OR9Q1: variants seen among roughly 807,000 people sequenced by gnomAD.
OR9Q1 encodes the protein olfactory receptor family 9 subfamily Q member 1.
For missense variants in OR9Q1, 374 were observed against 378.8 expected, an observed-to-expected ratio of 0.99 and a Z score of 0.11; for synonymous variants, 153 against 148.6, an observed-to-expected ratio of 1.03 and a Z score of -0.22.
intron 1 of OR9Q1, among the ~76,000 whole-genome samples, chr11:58,027,192 A>G (rs1463149200): frequency 1.3e-5 from 2 of 152,218 alleles, no homozygotes; most frequent in Non-Finnish European, 2.9e-5. Context: ...AACCCTGGGT[A>G]TCAGTTGTCC....
At position 58,081,813 on chromosome 11, in the gene OR9Q1, CT is replaced by C. The variant is rs1465076892; in HGVS notation, c.-15+25870del. On this transcript the variant is annotated intron_variant, in intron 2 of 2. Coordinates refer to ENST00000335397, the MANE Select transcript of OR9Q1 (RefSeq NM_001005212.4). ...AGTTTCTTTTTTTTTTTTTTTTTTA[CT>C]TTTGTTGACTTTATTGATCTAAATA... Among the ~76,000 whole-genome samples the C allele has an allele frequency of 6.9e-3, 587 of 85,154 alleles. 4 individuals are homozygous for C. Among genetic ancestry groups the C allele is most frequent in the African/African-American group, 0.023 (573 of 24,772 alleles). The allele number at this position is 85,154 out of a possible 152,430, so 55.9% of individuals were successfully genotyped here. A position where few individuals can be genotyped will look rare whatever the true frequency, so the allele number is the denominator to read the frequency against.
At chr11:58,033,840 A>G (rs531996320) in intron 1 of OR9Q1, among the ~76,000 whole-genome samples, 3 of 152,308 alleles carry the variant, frequency 2.0e-5, no homozygotes, top group Admixed American at 6.5e-5. Context: ...GTTATGGACT[A>G]TATATTAGAT....
chr11:58,058,709 T>C (rs1460952711), intron 2 of OR9Q1, among the ~76,000 whole-genome samples: 1 of 152,180 alleles, frequency 6.6e-6, no homozygotes, highest in African/African-American at 2.4e-5. Context: ...GATGCTGTCA[T>C]CTACACTGCT....
intron 2 of OR9Q1, among the ~76,000 whole-genome samples, chr11:58,148,208 T>G (rs1447181): frequency 0.75 from 113,487 of 152,044 alleles, 42,751 homozygotes; most frequent in East Asian, 0.9. Flanking sequence ...TAGGTGTAAA[T>G]CTAAATTAAC....
At chr11:58,178,206 T>C (rs934313040) in intron 2 of OR9Q1, among the ~76,000 whole-genome samples, 2 of 152,194 alleles carry the variant, frequency 1.3e-5, no homozygotes, top group Non-Finnish European at 2.9e-5. Flanking sequence ...CCATCCCAGA[T>C]TACAGTAATC....
rs1008391574 is a variant in OR9Q1 at position 58,053,629 on chromosome 11, A to T, written c.-92-2241A>T. Among the ~76,000 whole-genome samples, 21 of 98,930 alleles carry T rather than the reference A, an allele frequency of 2.1e-4. No individual in the cohort carries two copies. In the South Asian group the frequency reaches 3.7e-3, roughly 18 times the overall value. The allele number at this position is 98,930 out of a possible 152,430, so 64.9% of individuals were successfully genotyped here. A position where few individuals can be genotyped will look rare whatever the true frequency, so the allele number is the denominator to read the frequency against. ...AATTAAAAAATATATATATATATAA[A>T]ATATATATATATATAAATTATATAT... On this transcript the variant is annotated intron_variant, in intron 1 of 2. Coordinates refer to ENST00000335397, the MANE Select transcript of OR9Q1 (RefSeq NM_001005212.4).
intron 2 of OR9Q1, among the ~76,000 whole-genome samples, chr11:58,090,648 T>C (rs1420504839): frequency 6.6e-6 from 1 of 152,210 alleles, no homozygotes; most frequent in Non-Finnish European, 1.5e-5. Context: ...AGGATGATGT[T>C]GGCCTCATAA....
At chr11:58,079,345 A>G (rs1853567956) in intron 2 of OR9Q1, among the ~76,000 whole-genome samples, 2 of 152,042 alleles carry the variant, frequency 1.3e-5, no homozygotes, top group African/African-American at 4.8e-5. Context: ...TGGCTTGAGG[A>G]GATCCATTAT....
intron 2 of OR9Q1, among the ~76,000 whole-genome samples, chr11:58,133,724 T>G (rs925079638): frequency 2.0e-5 from 3 of 152,180 alleles, no homozygotes; most frequent in African/African-American, 7.2e-5. Flanking sequence ...CAGCAACTCT[T>G]ATTGAATTTC....
At chr11:58,075,713 G>A (rs1853532893) in intron 2 of OR9Q1, among the ~76,000 whole-genome samples, 1 of 152,164 alleles carries the variant, frequency 6.6e-6, no homozygotes, top group Non-Finnish European at 1.5e-5. Flanking sequence ...ACTATTAGAA[G>A]TAAACTTCTG....
rs145409396 is a variant in OR9Q1, at chr11:58,171,894, C to G, written c.-14-7537C>G. Among the ~76,000 whole-genome samples, 48 of 152,196 alleles carry G rather than the reference C, an allele frequency of 3.2e-4. 1 individual carries two copies. In the East Asian group the frequency reaches 9.1e-3, roughly 29 times the overall value. On this transcript the variant is annotated intron_variant, in intron 2 of 2. Transcript: ENST00000335397. ...CCATAAAGTCCAGCTCTAGGGGAAG[C>G]AATGTAAGACAGAGGCTGAATATCA... is the stretch of plus-strand genomic sequence containing the variant.
intron 2 of OR9Q1, among the ~76,000 whole-genome samples, chr11:58,064,858 T>C (rs368153061): frequency 6.6e-6 from 1 of 151,866 alleles, no homozygotes; most frequent in South Asian, 2.1e-4. Context: ...TGAATGTAGA[T>C]GTACATTTGC....
At chr11:58,058,696 G>C (rs1853349968) in intron 2 of OR9Q1, among the ~76,000 whole-genome samples, 1 of 152,130 alleles carries the variant, frequency 6.6e-6, no homozygotes, top group South Asian at 2.1e-4. Context: ...TGGCCATGCT[G>C]TTGATGCTGT....
intron 2 of OR9Q1, among the ~76,000 whole-genome samples, chr11:58,060,655 T>C (rs926497767): frequency 3.9e-5 from 6 of 152,240 alleles, no homozygotes; most frequent in African/African-American, 1.2e-4. Context: ...CTGGCCAGCA[T>C]GGCGAAACCC....
chr11:58,126,935 A>T (rs901627418), intron 2 of OR9Q1, among the ~76,000 whole-genome samples: 1 of 151,904 alleles, frequency 6.6e-6, no homozygotes, highest in African/African-American at 2.4e-5. Context: ...TACTATTGTT[A>T]TCTTTAATAT....
chr11:58,161,289 A>G lies in OR9Q1; in HGVS notation c.-14-18142A>G, dbSNP rs191546234. On this transcript the variant is annotated intron_variant, in intron 2 of 2. Coordinates refer to ENST00000335397, the MANE Select transcript of OR9Q1 (RefSeq NM_001005212.4). Reference sequence around the variant, plus strand: ...TTATATATGTGACTGAACCAAAAACATTTAAACTTGGGAACTGTGGGCTTA... The same window carrying G: ...TTATATATGTGACTGAACCAAAAACGTTTAAACTTGGGAACTGTGGGCTTA... Among the ~76,000 whole-genome samples the G allele has an allele frequency of 2.0e-5, 3 of 152,170 alleles. No homozygotes were observed. The East Asian group carries it at 5.8e-4, about 29-fold the overall frequency.
intron 2 of OR9Q1, among the ~76,000 whole-genome samples, chr11:58,179,012 A>AGAGAGAGAGAGAG (rs1854633335): frequency 2.2e-4 from 29 of 132,474 alleles, no homozygotes; most frequent in Admixed American, 4.1e-4. Flanking sequence ...GAAAGAAAGA[A>AGAGAGAGAGAGAG]AGAGAGAGAG....
At chr11:58,153,556 CTTT>C (rs5792084) in intron 2 of OR9Q1, among the ~76,000 whole-genome samples, 1 of 146,240 alleles carries the variant, frequency 6.8e-6, no homozygotes. Flanking sequence ...TGCAAGAAAT[CTTT>C]TTTTTTTTTT....
intron 2 of OR9Q1, among the ~76,000 whole-genome samples, chr11:58,174,059 T>A (rs1401172591): frequency 2.0e-5 from 3 of 152,108 alleles, no homozygotes; most frequent in African/African-American, 7.2e-5. Context: ...TTATGGACAA[T>A]AGGAATATTG....
Sources: allele counts gnomAD v4.1 joint callset (sites outside exome capture counted in the v4.1 genomes callset), GRCh38; gene constraint gnomAD v4.1.1; transcripts MANE v1.5; gene names NCBI Gene and HGNC (gene_info 2026-07-23, HGNC 2026-07-21).